The following DTNB variants were observed in gnomAD, a reference collection of about 807,000 sequenced individuals.
DTNB encodes the protein DTN-B.
A neutral mutation model predicts 90.7 loss-of-function variants in DTNB; 63 were observed. That is an observed-to-expected ratio of 0.69 (90% CI 0.57 to 0.86). DTNB has a LOEUF of 0.86. Among genes scored for constraint, DTNB ranks in the 40% least tolerant of loss-of-function variants. DTNB has a pLI of 0.00. For synonymous variants in DTNB, 277 were observed against 286.7 expected (o/e 0.97, Z 0.34); for missense variants, 744 against 807.1 (o/e 0.92, Z 0.95).
At chr2:25,577,331 G>T (rs965053655) in intron 7 of DTNB, among the ~76,000 whole-genome samples, 2 of 152,126 alleles carry the variant, frequency 1.3e-5, no homozygotes, top group Non-Finnish European at 2.9e-5. Context: ...CAGTTACTCA[G>T]GAGGCTGAGG....
At chr2:25,432,472 T>A (rs2054229298) in intron 14 of DTNB, among the ~76,000 whole-genome samples, 1 of 152,160 alleles carries the variant, frequency 6.6e-6, no homozygotes. Flanking sequence ...TCCTTCTCCT[T>A]CGGCAGAGCC....
chr2:25,625,500 T>C (rs1428122420), intron 4 of DTNB, among the ~76,000 whole-genome samples: 1 of 151,700 alleles, frequency 6.6e-6, no homozygotes, highest in Admixed American at 6.6e-5. Context: ...AAGTAAAAAT[T>C]ACCCAACTCA....
At chr2:25,493,963 T>C (rs1359331946) in intron 9 of DTNB, among the ~76,000 whole-genome samples, 1 of 152,208 alleles carries the variant, frequency 6.6e-6, no homozygotes, top group Non-Finnish European at 1.5e-5. Context: ...ATTATTTCAT[T>C]TGATATAAAC....
At chr2:25,662,651 T>TATACAAATACACAC (rs2083424653) in intron 1 of DTNB, among the ~76,000 whole-genome samples, 6 of 129,254 alleles carry the variant, frequency 4.6e-5, no homozygotes, top group Admixed American at 8.2e-5. Context: ...AATATACAAA[T>TATACAAATACACAC]ACACACACAC....
intron 6 of DTNB, among the ~76,000 whole-genome samples, chr2:25,595,548 T>C (rs993560556): frequency 1.3e-5 from 2 of 152,098 alleles, no homozygotes; most frequent in Non-Finnish European, 2.9e-5. Flanking sequence ...GTGTAGACGG[T>C]TCTCTGAAGC....
intron 9 of DTNB, among the ~76,000 whole-genome samples, chr2:25,507,521 C>A (rs895321963): frequency 6.6e-6 from 1 of 152,174 alleles, no homozygotes; most frequent in Non-Finnish European, 1.5e-5. Flanking sequence ...CCTTCTCACT[C>A]TCCAGTATTT....
chr2:25,620,219 C>T (rs1472578337), intron 4 of DTNB, among the ~76,000 whole-genome samples: 1 of 151,378 alleles, frequency 6.6e-6, no homozygotes, highest in Admixed American at 6.6e-5. Flanking sequence ...TCTCCAGGAG[C>T]GTAATTAGAG....
chr2:25,444,678 T>C (rs531643306), intron 12 of DTNB, among the ~76,000 whole-genome samples: 9 of 152,176 alleles, frequency 5.9e-5, no homozygotes, highest in African/African-American at 4.8e-5. Context: ...GGAGAAGTTA[T>C]GGCACGGACG....
intron 5 of DTNB, chr2:25,596,445 A>C (rs2064662107): frequency 2.6e-6 from 1 of 390,916 alleles, no homozygotes; most frequent in Non-Finnish European, 4.3e-6. Flanking sequence ...TCTTCCACTC[A>C]CTTAATATTC....
intron 8 of DTNB, chr2:25,558,290 A>C: frequency 1.0e-6 from 1 of 985,442 alleles, no homozygotes. Flanking sequence ...ATCACTGATA[A>C]ATTTGAGTTA....
At chr2:25,531,943 A>G (rs142528530) in intron 8 of DTNB, among the ~76,000 whole-genome samples, 277 of 152,296 alleles carry the variant, frequency 1.8e-3, no homozygotes, top group African/African-American at 6.3e-3. Context: ...TTTCCTGATC[A>G]GAGTCGGAAC....
intron 11 of DTNB, among the ~76,000 whole-genome samples, chr2:25,451,881 T>C (rs1460861051): frequency 2.0e-5 from 3 of 152,144 alleles, no homozygotes; most frequent in Non-Finnish European, 4.4e-5. Context: ...GGCACTTCAT[T>C]TTGAATGCAA....
intron 9 of DTNB, 128 bp from the exon 10 acceptor site, chr2:25,483,001 GA>G (rs1278768801): frequency 2.3e-4 from 213 of 945,136 alleles, no homozygotes; most frequent in East Asian, 1.9e-3. Context: ...GACCCATGGG[GA>G]GGGGGGGGAC....
At chr2:25,466,056 C>T (rs1317712681) in intron 10 of DTNB, among the ~76,000 whole-genome samples, 2 of 152,176 alleles carry the variant, frequency 1.3e-5, no homozygotes, top group East Asian at 3.9e-4. Context: ...TACTTAAGGC[C>T]GGGTGTGGTG....
At chr2:25,631,973 T>C (rs182186337) in intron 3 of DTNB, among the ~76,000 whole-genome samples, 3 of 152,200 alleles carry the variant, frequency 2.0e-5, no homozygotes, top group Admixed American at 2.0e-4. Flanking sequence ...GGTGGGTGGA[T>C]CACTTGAGGT....
chr2:25,616,708 G>C (rs1033490727), intron 4 of DTNB, among the ~76,000 whole-genome samples: 1 of 150,306 alleles, frequency 6.7e-6, no homozygotes, highest in Non-Finnish European at 1.5e-5. Context: ...CAAAGCTGGT[G>C]GATCACGAGG....
rs2040934258 is a variant in DTNB, at chr2:25,390,965, C to T, written c.1576-2604G>A. Among the ~76,000 whole-genome samples, 6 of 147,480 alleles carry T rather than the reference C, an allele frequency of 4.1e-5. 1 individual carries two copies. In the Admixed American group the frequency reaches 4.1e-4, roughly 10 times the overall value. On this transcript the variant is annotated intron_variant, in intron 16 of 20. Coordinates refer to ENST00000406818, the MANE Select transcript of DTNB (RefSeq NM_021907.5). ...AGGCTGGAGTGCAGTGGTGCAATCT[C>T]GGCTCACCACAAGCTCCGCCTCCCG...
At chr2:25,594,865 A>G (rs1244343044) in intron 6 of DTNB, 3 of 152,236 alleles carry the variant, frequency 2.0e-5, no homozygotes, top group Non-Finnish European at 4.4e-5. Context: ...CAGGAAGTTA[A>G]CATTCATTGA....
chr2:25,557,260 AAG>A (rs900094521), intron 8 of DTNB, among the ~76,000 whole-genome samples: 3 of 152,218 alleles, frequency 2.0e-5, no homozygotes, highest in African/African-American at 4.8e-5. Flanking sequence ...TTGGAAGACT[AAG>A]AGGTCTTCCC....
Sources: gnomAD v4.1 joint callset for allele counts (sites outside exome capture counted in the v4.1 genomes callset) on GRCh38, gnomAD v4.1.1 for gene constraint, MANE v1.5 for transcripts, NCBI Gene and HGNC (gene_info 2026-07-23, HGNC 2026-07-21) for gene names.